MYO1E: variants seen among roughly 807,000 people sequenced by gnomAD.
The protein encoded by MYO1E is unconventional myosin-Ie.
A neutral mutation model predicts 151.1 loss-of-function variants in MYO1E; 68 were observed. That is an observed-to-expected ratio of 0.45 (90% CI 0.37 to 0.55). The LOEUF is 0.55. Among genes scored for constraint, MYO1E ranks in the 20% least tolerant of loss-of-function variants. MYO1E has a pLI of 0.00. For missense variants in MYO1E, 1,363 were observed against 1,389.3 expected (o/e 0.98, Z 0.30); for synonymous variants, 601 against 501.7 (o/e 1.20, Z -2.64).
chr15:59,207,489 T>G (rs780797381), intron 14 of MYO1E: 1 of 1,613,914 alleles, frequency 6.2e-7, no homozygotes, highest in Non-Finnish European at 8.5e-7. Context: ...GCAAACTGAT[T>G]ATTGTTTCCA....
chr15:59,164,489 C>G (rs2079553762), intron 22 of MYO1E, among the ~76,000 whole-genome samples: 2 of 152,224 alleles, frequency 1.3e-5, no homozygotes, highest in African/African-American at 4.8e-5. Flanking sequence ...CTCTGCTCTG[C>G]TCTCAGAGCA....
chr15:59,284,497 T>TGACG (rs1468107697), intron 1 of MYO1E, among the ~76,000 whole-genome samples: 2 of 152,046 alleles, frequency 1.3e-5, no homozygotes, highest in Middle Eastern at 3.2e-3. Flanking sequence ...TCACCCAGGC[T>TGACG]GGAGTGCTGT....
chr15:59,336,798 G>A (rs1334110693), intron 1 of MYO1E, among the ~76,000 whole-genome samples: 1 of 129,666 alleles, frequency 7.7e-6, no homozygotes, highest in Non-Finnish European at 1.6e-5. Flanking sequence ...CCTGGTCCAC[G>A]TGTTCTCATT....
rs1417166064 is a variant in MYO1E at position 59,214,277 on chromosome 15, T to C, written c.1226A>G (p.Asn409Ser). The part of the protein sequence containing the change: ...GFEQFCINFV[N>S]EKLQQIFIEL... ...AATAAAAATCTGCTGCAGTTTTTCA[T>C]TAACAAAATTGATACAAAACTGTTC... Residue 409 changes from asparagine to serine, a missense_variant, in exon 12 of 28, where the codon AAT (asparagine) becomes AGT (serine). Asn to Ser is a conservative substitution (Grantham distance 46). Coordinates refer to ENST00000288235, the MANE Select transcript of MYO1E (RefSeq NM_004998.4). The C allele has an allele frequency of 1.2e-6, 2 of 1,612,992 alleles. No individual in the cohort carries two copies. Among genetic ancestry groups the C allele is most frequent in the Non-Finnish European group, 1.7e-6 (2 of 1,179,738 alleles).
chr15:59,245,069 A>G (rs2080121682), intron 4 of MYO1E, among the ~76,000 whole-genome samples: 1 of 152,202 alleles, frequency 6.6e-6, no homozygotes, highest in African/African-American at 2.4e-5. Flanking sequence ...GGGCCTCCCA[A>G]AGCCAGGCCA....
chr15:59,238,975 G>A (rs1193019500), intron 4 of MYO1E, among the ~76,000 whole-genome samples: 1 of 151,524 alleles, frequency 6.6e-6, no homozygotes, highest in Non-Finnish European at 1.5e-5. Flanking sequence ...GGAGGCCAAG[G>A]TGGACGGATC....
At chr15:59,219,724 A>G (rs1345755957) in intron 9 of MYO1E, among the ~76,000 whole-genome samples, 1 of 152,228 alleles carries the variant, frequency 6.6e-6, no homozygotes, top group Admixed American at 6.5e-5. Context: ...CTGTTAACAC[A>G]TGTCTAGGAA....
At chr15:59,182,200 C>T (rs910293360) in intron 18 of MYO1E, among the ~76,000 whole-genome samples, 1 of 152,066 alleles carries the variant, frequency 6.6e-6, no homozygotes, top group Non-Finnish European at 1.5e-5. Flanking sequence ...GATTCTCCTC[C>T]CAGTATTCTT....
chr15:59,339,858 T>TG (rs1262771295), intron 1 of MYO1E, among the ~76,000 whole-genome samples: 4 of 150,676 alleles, frequency 2.7e-5, no homozygotes, highest in Non-Finnish European at 5.9e-5. Flanking sequence ...TTTTTGTTTT[T>TG]TTTTTTTTTG....
intron 17 of MYO1E, among the ~76,000 whole-genome samples, chr15:59,188,761 A>G (rs778010528): frequency 2.0e-5 from 3 of 152,158 alleles, no homozygotes; most frequent in Admixed American, 6.5e-5. Context: ...AGGGCATTAC[A>G]TATCTATTTC....
chr15:59,167,186 GT>G (rs2079567586), intron 22 of MYO1E, among the ~76,000 whole-genome samples: 1 of 152,214 alleles, frequency 6.6e-6, no homozygotes, highest in Admixed American at 6.5e-5. Context: ...GGGCAAGAAT[GT>G]TGTGACCAGG....
intron 4 of MYO1E, among the ~76,000 whole-genome samples, chr15:59,244,125 A>C (rs902912780): frequency 2.0e-4 from 30 of 152,278 alleles, no homozygotes; most frequent in African/African-American, 7.2e-4. Flanking sequence ...GATTGAGGAA[A>C]GTGTGAATAA....
At chr15:59,324,449 A>G (rs549244356) in intron 1 of MYO1E, among the ~76,000 whole-genome samples, 1 of 152,262 alleles carries the variant, frequency 6.6e-6, no homozygotes, top group African/African-American at 2.4e-5. Flanking sequence ...GTTTTAAAAG[A>G]AAAAAATCAG....
At chr15:59,202,509 T>TA (rs2079808534) in intron 15 of MYO1E, 102 bp from the exon 16 acceptor site, 1 of 1,047,628 alleles carries the variant, frequency 9.5e-7, no homozygotes, top group Admixed American at 1.8e-5. Flanking sequence ...CCCAGGCACA[T>TA]AACCTTGGCT....
At chr15:59,236,699 C>A in intron 4 of MYO1E, 27 bp from the exon 5 acceptor site, 2 of 1,576,920 alleles carry the variant, frequency 1.3e-6, no homozygotes, top group Non-Finnish European at 1.7e-6. Flanking sequence ...AAAGAATCCA[C>A]CTGAGAAGTG....
At chr15:59,242,006 G>T (rs2080102503) in intron 4 of MYO1E, among the ~76,000 whole-genome samples, 1 of 152,136 alleles carries the variant, frequency 6.6e-6, no homozygotes, top group Admixed American at 6.5e-5. Flanking sequence ...GGGGTAGGGA[G>T]TGGAGCTGGA....
intron 25 of MYO1E, among the ~76,000 whole-genome samples, chr15:59,157,678 C>T (rs778362388): frequency 1.3e-5 from 2 of 149,002 alleles, no homozygotes; most frequent in Admixed American, 6.6e-5. Flanking sequence ...AGCCATTAAG[C>T]GCTTCCTTTA....
In MYO1E at chr15:59,261,408, C is replaced by A. The variant is rs2080223777; in HGVS notation, c.237+12G>T. The stretch of plus-strand genomic sequence containing the variant: ...CTAAATAAGGCAGTAATTTATGTGA[C>A]ACGTAACTTACCGCTCCTTGGTACA... On this transcript the variant is annotated intron_variant, in intron 3 of 27. Transcript: ENST00000288235. 1 of 1,583,214 alleles carries A rather than the reference C, an allele frequency of 6.3e-7. No individual in the cohort carries two copies. The highest frequency in any genetic ancestry group is 1.1e-5 in the South Asian group (1 of 90,414).
chr15:59,207,598 C>A (rs140321095), intron 14 of MYO1E: 1 of 1,614,084 alleles, frequency 6.2e-7, no homozygotes, highest in East Asian at 2.2e-5. Context: ...TGCTCGTTTT[C>A]GTTTCTTGAT....
Sources: gnomAD v4.1 joint callset for allele counts (sites outside exome capture counted in the v4.1 genomes callset) on GRCh38, gnomAD v4.1.1 for gene constraint, MANE v1.5 for transcripts, NCBI Gene and HGNC (gene_info 2026-07-23, HGNC 2026-07-21) for gene names.